Variants in LIPJ observed in about 807,000 individuals in gnomAD.
The protein encoded by LIPJ is lipase family member J.
In LIPJ, 33 loss-of-function variants were observed where a neutral mutation model predicts 39.8. That is an observed-to-expected ratio of 0.83 (90% CI 0.63 to 1.11). LIPJ has a LOEUF of 1.11. Among genes scored for constraint, LIPJ ranks in the 50% least tolerant of loss-of-function variants. The pLI, the probability that LIPJ is intolerant of heterozygous loss-of-function variation, is 0.00. For missense variants in LIPJ, 422 were observed against 427.9 expected, an observed-to-expected ratio of 0.99 and a Z score of 0.12; for synonymous variants, 128 against 139.2, an observed-to-expected ratio of 0.92 and a Z score of 0.57.
chr10:88,622,682 G>A, the LIPJ span, among the ~76,000 whole-genome samples: 1 of 152,164 alleles, frequency 6.6e-6, no homozygotes, highest in South Asian at 2.1e-4. Flanking sequence ...GACTAAGGAG[G>A]GAGGAGTCAG....
chr10:88,593,819 C>T, intron 4 of LIPJ, 127 bp from the exon 5 acceptor site: 1 of 707,250 alleles, frequency 1.4e-6, no homozygotes, highest in Non-Finnish European at 2.3e-6. Flanking sequence ...AATAACTTAC[C>T]CCACTTATGA....
intron 9 of LIPJ, among the ~76,000 whole-genome samples, chr10:88,605,307 G>A (rs943157522): frequency 6.6e-6 from 1 of 152,180 alleles, no homozygotes; most frequent in South Asian, 2.1e-4. Context: ...GACACTCAGC[G>A]TTGACCTCTG....
chr10:88,609,898 CAAAAAA>C (rs11305444), downstream of LIPJ, among the ~76,000 whole-genome samples: 1 of 84,558 alleles, frequency 1.2e-5, no homozygotes, highest in Admixed American at 1.2e-4. Context: ...GACTCTGTCT[CAAAAAA>C]AAAAAAAAAA....
chr10:88,603,833 A>G (rs1741336763), intron 9 of LIPJ, among the ~76,000 whole-genome samples: 1 of 152,186 alleles, frequency 6.6e-6, no homozygotes, highest in African/African-American at 2.4e-5. Flanking sequence ...TAAATTATTG[A>G]AAACATTTAT....
At position 88,596,777 on chromosome 10, in the gene LIPJ, A is replaced by G; in HGVS notation, c.577-13A>G. Reference sequence around the variant, plus strand: ...GGTCATCCAAATGTGGATAAAATAAATTTATTTTACAGGCTTTTTCAGGCA... The same window carrying G: ...GGTCATCCAAATGTGGATAAAATAAGTTTATTTTACAGGCTTTTTCAGGCA... On this transcript the variant is annotated splice_polypyrimidine_tract_variant and intron_variant, in intron 7 of 10. Transcript: ENST00000371939. 1 of 1,593,438 alleles carries G rather than the reference A, an allele frequency of 6.3e-7. No homozygotes were observed. The highest frequency in any genetic ancestry group is 1.1e-5 in the South Asian group (1 of 88,092).
intron 8 of LIPJ, 135 bp from the exon 9 acceptor site, chr10:88,602,438 TTGA>T (rs1212326015): frequency 3.2e-5 from 17 of 535,390 alleles, no homozygotes; most frequent in African/African-American, 4.0e-5. Context: ...TTAAAATAAT[TTGA>T]TGATTTGTTT....
chr10:88,619,451 T>C, the LIPJ span, among the ~76,000 whole-genome samples: 1 of 23,356 alleles, frequency 4.3e-5, no homozygotes, highest in Admixed American at 4.8e-4. Context: ...ATCCCCCTCT[T>C]GCCACACACA....
chr10:88,609,281 A>G (rs1851722668), downstream of LIPJ, among the ~76,000 whole-genome samples: 1 of 152,238 alleles, frequency 6.6e-6, no homozygotes, highest in African/African-American at 2.4e-5. Context: ...ATTATAGTTG[A>G]GGCTATGAAG....
chr10:88,619,453 C>CCACACACACACACACACACACACA, the LIPJ span, among the ~76,000 whole-genome samples: 18,518 of 146,758 alleles, frequency 0.13, 1,304 homozygotes, highest in East Asian at 0.27. Context: ...CCCCCTCTTG[C>CCACACACACACACACACACACACA]CACACACACA....
intron 2 of LIPJ, among the ~76,000 whole-genome samples, chr10:88,590,241 C>A (rs1223698187): frequency 2.0e-5 from 3 of 151,708 alleles, no homozygotes; most frequent in African/African-American, 7.3e-5. Context: ...GGTAATAATA[C>A]TATTACAGCA....
At chr10:88,596,400 G>T in exon 7 of LIPJ, 1 of 1,537,504 alleles carries the variant, frequency 6.5e-7, no homozygotes, top group Admixed American at 2.0e-5. Flanking sequence ...ACATACAAAT[G>T]GAAGTCAATA....
exon 7 of LIPJ, chr10:88,596,361 A>G (rs1436485028): frequency 6.4e-7 from 1 of 1,564,116 alleles, no homozygotes; most frequent in Non-Finnish European, 8.7e-7. Context: ...TTTTCCACAA[A>G]GTACTTAAAA....
intron 9 of LIPJ, 22 bp downstream of exon 9, chr10:88,602,669 T>A (rs778563205): frequency 1.4e-6 from 2 of 1,471,560 alleles, no homozygotes; most frequent in Non-Finnish European, 1.9e-6. Flanking sequence ...AAAGTGCATT[T>A]CCATACAATT....
chr10:88,607,561 AG>A (rs1238614293), downstream of LIPJ, among the ~76,000 whole-genome samples: 4 of 152,186 alleles, frequency 2.6e-5, no homozygotes, highest in African/African-American at 9.6e-5. Flanking sequence ...ACTAGATCTG[AG>A]GCTGGACTCA....
At chr10:88,596,700 A>G in intron 7 of LIPJ, 90 bp from the exon 8 acceptor site, 1 of 1,171,342 alleles carries the variant, frequency 8.5e-7, no homozygotes, top group Non-Finnish European at 1.2e-6. Flanking sequence ...GAGATAATTT[A>G]TTTGGTTTTA....
At chr10:88,616,425 G>T in the LIPJ span, among the ~76,000 whole-genome samples, 1 of 152,230 alleles carries the variant, frequency 6.6e-6, no homozygotes, top group African/African-American at 2.4e-5. Flanking sequence ...CCATTAGGAA[G>T]CAGGCTCAAA....
the LIPJ span, among the ~76,000 whole-genome samples, chr10:88,619,719 T>C: frequency 6.6e-6 from 1 of 152,184 alleles, no homozygotes; most frequent in African/African-American, 2.4e-5. Flanking sequence ...AAATAAACTT[T>C]GACACATACA....
chr10:88,594,332 G>A (rs989635814), intron 5 of LIPJ, 188 bp downstream of exon 5: 5 of 565,564 alleles, frequency 8.8e-6, no homozygotes, highest in South Asian at 4.7e-5. Flanking sequence ...TGATTCTTAC[G>A]TTTCAGCAAT....
chr10:88,607,160 C>T (rs1403803189), downstream of LIPJ, among the ~76,000 whole-genome samples: 1 of 151,964 alleles, frequency 6.6e-6, no homozygotes, highest in African/African-American at 2.4e-5. Context: ...ATATCAAAAA[C>T]AATAATCTTT....
Sources: gnomAD v4.1 joint callset for allele counts (sites outside exome capture counted in the v4.1 genomes callset) on GRCh38, gnomAD v4.1.1 for gene constraint, MANE v1.5 for transcripts, NCBI Gene and HGNC (gene_info 2026-07-23, HGNC 2026-07-21) for gene names.